Variants in KIR3DL1 observed in about 807,000 individuals in gnomAD.
KIR3DL1 encodes killer cell immunoglobulin-like receptor 3DL1.
In KIR3DL1, 50 loss-of-function variants were observed where a neutral mutation model predicts 40.3. The observed-to-expected ratio is 1.24, with a 90% confidence interval of 0.99 to 1.57. The LOEUF is 1.57. Ranked by LOEUF, KIR3DL1 falls within the 40% of genes most tolerant of loss-of-function variation. The pLI, the probability that KIR3DL1 is intolerant of heterozygous loss-of-function variation, is 0.00. For synonymous variants in KIR3DL1, 257 were observed against 207.2 expected (o/e 1.24, Z -2.07); for missense variants, 661 against 559.9 (o/e 1.18, Z -1.82).
intron 4 of KIR3DL1, 26 bp downstream of exon 4, chr19:54,820,038 A>G (rs751684880): frequency 1.9e-6 from 3 of 1,600,460 alleles, no homozygotes; most frequent in Non-Finnish European, 2.6e-6. Flanking sequence ...CATTGTTCTC[A>G]TTGTCACTGG....
At chr19:54,827,148 G>A (rs2061943178) in intron 6 of KIR3DL1, among the ~76,000 whole-genome samples, 1 of 151,468 alleles carries the variant, frequency 6.6e-6, no homozygotes, top group South Asian at 2.1e-4. Flanking sequence ...TCATTTGCAG[G>A]GAGGGCTTGC....
intron 3 of KIR3DL1, 41 bp from the exon 4 acceptor site, chr19:54,819,672 T>C (rs2061530472): frequency 2.5e-6 from 4 of 1,587,308 alleles, no homozygotes; most frequent in East Asian, 2.3e-5. Context: ...GATGGGATGA[T>C]AAAGAGAGAT....
intron 6 of KIR3DL1, among the ~76,000 whole-genome samples, chr19:54,827,814 G>C (rs1313769469): frequency 4.0e-5 from 6 of 150,334 alleles, no homozygotes; most frequent in Non-Finnish European, 8.8e-5. Flanking sequence ...GTGAAAGCCC[G>C]CTGAATCCTC....
chr19:54,830,059 C>T, intron 8 of KIR3DL1, 40 bp from the exon 9 acceptor site: 1 of 1,521,046 alleles, frequency 6.6e-7, no homozygotes, highest in East Asian at 2.4e-5. Flanking sequence ...CTCCCTCACT[C>T]AGCATTTCCC....
intron 3 of KIR3DL1, among the ~76,000 whole-genome samples, chr19:54,819,132 G>T (rs1433628436): frequency 6.6e-6 from 1 of 151,180 alleles, no homozygotes. Flanking sequence ...TTCAGCACAG[G>T]GAGAACTGGA....
rs1206238163 is a variant in KIR3DL1 at position 54,830,489 on chromosome 19, T to C, written c.*214T>C. The C allele has an allele frequency of 2.6e-5, 16 of 621,840 alleles. 1 individual carries two copies. The highest frequency in any genetic ancestry group is 4.0e-5 in the Non-Finnish European group (15 of 373,200). The allele number at this position is 621,840 out of a possible 1,614,324, so 38.5% of individuals were successfully genotyped here. ...CTGCTGGAAAGAAAACACACTCCTT[T>C]GCTTAGCCCACAGTTCTCCATTTCA... On this transcript the variant is annotated 3_prime_UTR_variant, in exon 9 of 9. Coordinates refer to ENST00000391728, the Ensembl canonical transcript of KIR3DL1.
chr19:54,821,247 G>A (rs1471209602), intron 4 of KIR3DL1, among the ~76,000 whole-genome samples: 7 of 125,312 alleles, frequency 5.6e-5, no homozygotes, highest in African/African-American at 1.8e-4. Context: ...TGTGCAGAAA[G>A]TTATGAACAA....
rs1373062477 is a variant in KIR3DL1 at position 54,820,888 on chromosome 19, C to T, written c.656-677C>T. ...TGAGAGGCAGAGAAAGACAAGGAGA[C>T]GGAGAGAGAGAGATGATAGATGGAT... On this transcript the variant is annotated intron_variant, in intron 4 of 8. Coordinates refer to ENST00000391728, the Ensembl canonical transcript of KIR3DL1. Among the ~76,000 whole-genome samples, 33 of 150,476 alleles carry T rather than the reference C, an allele frequency of 2.2e-4. 1 individual carries two copies. In the South Asian group the frequency reaches 2.3e-3, roughly 11 times the overall value.
chr19:54,821,587 C>T, exon 5 of KIR3DL1: 12 of 1,607,500 alleles, frequency 7.5e-6, no homozygotes, highest in Non-Finnish European at 1.0e-5. Context: ...AACCTTCTCT[C>T]TCAGCCCAGC....
At chr19:54,828,606 T>C (rs992441110) in intron 6 of KIR3DL1, among the ~76,000 whole-genome samples, 1 of 150,758 alleles carries the variant, frequency 6.6e-6, no homozygotes, top group African/African-American at 2.5e-5. Flanking sequence ...GCCTGGGTTT[T>C]GTACCCTGGA....
At chr19:54,822,344 G>C (rs1299762294) in intron 5 of KIR3DL1, among the ~76,000 whole-genome samples, 2 of 151,228 alleles carry the variant, frequency 1.3e-5, no homozygotes, top group African/African-American at 4.9e-5. Context: ...ACCTTTATAT[G>C]CTGGGTGTGG....
At position 54,818,692 on chromosome 19, in the gene KIR3DL1, C is replaced by A. The variant is rs1310747022; in HGVS notation, c.355+93C>A. The A allele has an allele frequency of 6.7e-6, 10 of 1,500,688 alleles. No homozygotes were observed. In the East Asian group the frequency reaches 1.4e-4, roughly 20 times the overall value. 93.0% of individuals were successfully genotyped at this position (1,500,688 alleles called of 1,614,324 possible). A position where few individuals can be genotyped will look rare whatever the true frequency, so the allele number is the denominator to read the frequency against. On this transcript the variant is annotated intron_variant, in intron 3 of 8. Transcript: ENST00000391728. ...GTCCGTCAGGGTCCCATCACCCAGG[C>A]CCTGACTGTATTTGGGGTCAAGGGA...
chr19:54,821,612 C>A, exon 5 of KIR3DL1: 5 of 1,608,600 alleles, frequency 3.1e-6, no homozygotes, highest in Non-Finnish European at 4.2e-6. Flanking sequence ...CCCCAAGGTT[C>A]AGGCAGGAGA....
intron 1 of KIR3DL1, among the ~76,000 whole-genome samples, chr19:54,817,030 GCCTGGAGTGGAGATATGAT>G (rs1317210897): frequency 7.5e-5 from 11 of 147,122 alleles, no homozygotes; most frequent in South Asian, 6.7e-4. Context: ...GGAGATCTGG[GCCTGGAGTGGAGATATGAT>G]CCTGGAGTGG....
chr19:54,819,979 G>A, exon 4 of KIR3DL1: 1 of 1,611,232 alleles, frequency 6.2e-7, no homozygotes, highest in South Asian at 1.1e-5. Context: ...TCAGTTGTCA[G>A]CTCCCAGTGA....
At chr19:54,828,820 G>A (rs2062045755) in intron 6 of KIR3DL1, among the ~76,000 whole-genome samples, 2 of 143,044 alleles carry the variant, frequency 1.4e-5, no homozygotes, top group African/African-American at 5.1e-5. Flanking sequence ...AGGCTGTACT[G>A]GAAGCATGGC....
chr19:54,830,559 G>C, exon 9 of KIR3DL1: 2 of 455,780 alleles, frequency 4.4e-6, no homozygotes, highest in Admixed American at 3.8e-5. Context: ...TTACTTCCTA[G>C]TCTACTTGAG....
chr19:54,825,530 G>A (rs2061840398), intron 6 of KIR3DL1, among the ~76,000 whole-genome samples: 1 of 149,954 alleles, frequency 6.7e-6, no homozygotes, highest in South Asian at 2.1e-4. Flanking sequence ...CCGTAACAGA[G>A]AACAGAGCTC....
exon 5 of KIR3DL1, chr19:54,821,765 A>G (rs1356189990): frequency 1.2e-6 from 2 of 1,607,758 alleles, no homozygotes; most frequent in South Asian, 1.1e-5. Context: ...GGGCCCTGCC[A>G]CCCACGGAGG....
Sources: gnomAD v4.1 joint callset for allele counts (sites outside exome capture counted in the v4.1 genomes callset) on GRCh38, gnomAD v4.1.1 for gene constraint, MANE v1.5 for transcripts, NCBI Gene and HGNC (gene_info 2026-07-23, HGNC 2026-07-21) for gene names.